Variants in TLK1 observed in about 807,000 individuals in gnomAD.
TLK1 encodes the protein serine/threonine-protein kinase tousled-like 1.
A neutral mutation model predicts 105.3 loss-of-function variants in TLK1; 24 were observed. The observed-to-expected ratio is 0.23, with a 90% CI of 0.17 to 0.32. The LOEUF (loss-of-function observed/expected upper bound fraction) is 0.32, where lower values mean the gene tolerates loss of function less well. Among genes scored for constraint, TLK1 ranks in the 10% least tolerant of loss-of-function variants. TLK1 has a pLI of 1.00. For synonymous variants in TLK1, 321 were observed against 310.4 expected, an observed-to-expected ratio of 1.03 and a Z score of -0.36; for missense variants, 558 against 910.5, an observed-to-expected ratio of 0.61 and a Z score of 4.98.
chr2:171,103,713 T>C (rs1689796261), intron 2 of TLK1, among the ~76,000 whole-genome samples: 1 of 152,226 alleles, frequency 6.6e-6, no homozygotes, highest in Non-Finnish European at 1.5e-5. Context: ...TTCCATCTTA[T>C]ATAATAGCAG....
At chr2:171,034,610 C>G (rs10754976) in intron 11 of TLK1, among the ~76,000 whole-genome samples, 2 of 152,116 alleles carry the variant, frequency 1.3e-5, no homozygotes, top group African/African-American at 4.8e-5. Context: ...GATTACTTAA[C>G]GTGCACAGTG....
chr2:171,058,537 T>C (rs368828587), intron 4 of TLK1, among the ~76,000 whole-genome samples: 2 of 152,160 alleles, frequency 1.3e-5, no homozygotes, highest in East Asian at 1.9e-4. Flanking sequence ...AACCATAACA[T>C]GATTCCTGTC....
intron 1 of TLK1, among the ~76,000 whole-genome samples, chr2:171,170,965 A>C (rs962947544): frequency 6.6e-6 from 1 of 152,232 alleles, no homozygotes; most frequent in African/African-American, 2.4e-5. Flanking sequence ...CCAGAGGGGA[A>C]AATACGTACT....
chr2:171,131,507 T>C (rs181393929), intron 1 of TLK1, among the ~76,000 whole-genome samples: 38 of 152,322 alleles, frequency 2.5e-4, no homozygotes, highest in South Asian at 6.2e-4. Flanking sequence ...ATTAACACCA[T>C]AGTTTTCCAG....
chr2:171,075,899 T>C, intron 3 of TLK1, among the ~76,000 whole-genome samples: 1 of 152,080 alleles, frequency 6.6e-6, no homozygotes, highest in Non-Finnish European at 1.5e-5. Context: ...ACGTAGAAAC[T>C]TACTCCCCGT....
chr2:171,134,461 C>T (rs10183486), intron 1 of TLK1, among the ~76,000 whole-genome samples: 61,053 of 152,008 alleles, frequency 0.4, 13,739 homozygotes, highest in African/African-American at 0.59. Context: ...ACTTGACTAA[C>T]GATTGGGCAA....
At chr2:171,193,903 G>C (rs57145113) in intron 1 of TLK1, among the ~76,000 whole-genome samples, 1 of 151,126 alleles carries the variant, frequency 6.6e-6, no homozygotes, top group African/African-American at 2.4e-5. Context: ...TATTTATAGT[G>C]AAGACAGGGT....
intron 13 of TLK1, 86 bp downstream of exon 13, chr2:171,014,765 C>T: frequency 9.6e-7 from 1 of 1,038,868 alleles, no homozygotes; most frequent in Non-Finnish European, 1.5e-6. Flanking sequence ...TGAGACAACC[C>T]AAGAAGGAAA....
At chr2:171,047,016 G>C (rs1230056210) in intron 10 of TLK1, among the ~76,000 whole-genome samples, 2 of 151,990 alleles carry the variant, frequency 1.3e-5, no homozygotes. Flanking sequence ...AAATTTATGA[G>C]AAAAATTTTT....
At chr2:171,020,536 TAA>T (rs894471602) in intron 12 of TLK1, among the ~76,000 whole-genome samples, 1 of 120,076 alleles carries the variant, frequency 8.3e-6, no homozygotes, top group Non-Finnish European at 1.8e-5. Flanking sequence ...CGAGACTGTC[TAA>T]AAAAAAAAAG....
At chr2:171,205,323 C>CA (rs1693483436) in intron 1 of TLK1, among the ~76,000 whole-genome samples, 3 of 145,964 alleles carry the variant, frequency 2.1e-5, no homozygotes, top group Admixed American at 2.0e-4. Flanking sequence ...TCTAAGACAG[C>CA]TTTTTTTTTT....
At chr2:171,080,196 CAAAAA>C (rs559492309) in intron 3 of TLK1, among the ~76,000 whole-genome samples, 1 of 59,964 alleles carries the variant, frequency 1.7e-5, no homozygotes. Context: ...GACTCCATCT[CAAAAA>C]AAAAAAAAAA....
At chr2:171,063,984 T>C (rs936292963) in intron 3 of TLK1, among the ~76,000 whole-genome samples, 3 of 152,240 alleles carry the variant, frequency 2.0e-5, no homozygotes, top group Non-Finnish European at 4.4e-5. Flanking sequence ...TTGTTTAACA[T>C]ATAGATTACT....
intron 19 of TLK1, 53 bp from the exon 20 acceptor site, chr2:170,996,813 C>A: frequency 6.9e-7 from 1 of 1,454,448 alleles, no homozygotes. Context: ...TATTTAAACA[C>A]AGATATCATT....
intron 12 of TLK1, among the ~76,000 whole-genome samples, chr2:171,027,151 T>C (rs754348318): frequency 2.0e-5 from 3 of 152,142 alleles, no homozygotes; most frequent in East Asian, 3.8e-4. Context: ...AGTGTAATAG[T>C]AGCTGCTACC....
intron 3 of TLK1, among the ~76,000 whole-genome samples, chr2:171,081,299 T>C (rs746997303): frequency 6.6e-6 from 1 of 152,216 alleles, no homozygotes; most frequent in Non-Finnish European, 1.5e-5. Flanking sequence ...CTGTGATAAG[T>C]GATCTAACTT....
intron 2 of TLK1, among the ~76,000 whole-genome samples, chr2:171,113,164 A>G (rs1028560927): frequency 6.6e-6 from 1 of 152,188 alleles, no homozygotes; most frequent in African/African-American, 2.4e-5. Flanking sequence ...AAATATGATA[A>G]TATTTTTAAT....
chr2:171,064,271 G>A (rs1443408042), intron 3 of TLK1, among the ~76,000 whole-genome samples: 1 of 152,086 alleles, frequency 6.6e-6, no homozygotes, highest in Admixed American at 6.6e-5. Context: ...CTGAGTTAAG[G>A]CTCCAGCCTA....
rs1239417956 is a variant in TLK1, at chr2:171,006,647, C to A, written c.1599-4G>T. ...GTATTCTAACACTGTACAAAACCTA[C>A]AACAGAGAAGAGAAAAAAATTAGAC... is the stretch of plus-strand genomic sequence containing the variant. On this transcript the variant is annotated splice_region_variant and splice_polypyrimidine_tract_variant and intron_variant, in intron 16 of 20. Coordinates refer to ENST00000431350, the MANE Select transcript of TLK1 (RefSeq NM_012290.5). 4 of 1,611,844 alleles carry A rather than the reference C, an allele frequency of 2.5e-6. No homozygotes were observed. In the Admixed American group the frequency reaches 5.0e-5, roughly 20 times the overall value.
Sources: allele counts gnomAD v4.1 joint callset (sites outside exome capture counted in the v4.1 genomes callset), GRCh38; gene constraint gnomAD v4.1.1; transcripts MANE v1.5; gene names NCBI Gene and HGNC (gene_info 2026-07-23, HGNC 2026-07-21).